Variants in SEC31A observed in about 807,000 individuals in gnomAD.
SEC31A encodes SEC31 homolog A, COPII component.
In SEC31A, 70 loss-of-function variants were observed where a neutral mutation model predicts 151.0. That is an observed-to-expected ratio of 0.46 (90% confidence interval 0.38 to 0.57). The LOEUF is 0.57. Among genes scored for constraint, SEC31A ranks in the 20% least tolerant of loss-of-function variants. SEC31A has a pLI of 0.00. For missense variants in SEC31A, 1,330 were observed against 1,471.2 expected, an observed-to-expected ratio of 0.90 and a Z score of 1.57; for synonymous variants, 475 against 505.9, an observed-to-expected ratio of 0.94 and a Z score of 0.82.
intron 18 of SEC31A, 110 bp from the exon 19 acceptor site, chr4:82,851,714 C>G: frequency 1.1e-6 from 1 of 876,840 alleles, no homozygotes; most frequent in Non-Finnish European, 1.7e-6. Context: ...AAATATAGTA[C>G]CTGTTATCAT....
At chr4:82,824,266 C>T (rs562128913) in intron 25 of SEC31A, among the ~76,000 whole-genome samples, 10 of 152,216 alleles carry the variant, frequency 6.6e-5, no homozygotes, top group South Asian at 2.1e-4. Context: ...TGCAATGGCG[C>T]GATCTCGGCT....
At chr4:82,851,148 T>C (rs979822812) in intron 19 of SEC31A, among the ~76,000 whole-genome samples, 2 of 152,228 alleles carry the variant, frequency 1.3e-5, no homozygotes, top group African/African-American at 2.4e-5. Context: ...AGCATTTGGC[T>C]TTAGAAATAA....
At chr4:82,892,201 T>C (rs540958327), upstream of SEC31A, among the ~76,000 whole-genome samples, 8 of 152,362 alleles carry the variant, frequency 5.3e-5, no homozygotes, top group East Asian at 1.5e-3. Context: ...AGTCTTCTAA[T>C]TACCATTTTC....
intron 1 of SEC31A, among the ~76,000 whole-genome samples, chr4:82,883,023 A>G (rs560266385): frequency 1.1e-4 from 16 of 152,284 alleles, no homozygotes; most frequent in African/African-American, 3.6e-4. Context: ...GGGAGGCTGA[A>G]GCAGAAGAAT....
intron 2 of SEC31A, 71 bp downstream of exon 2, chr4:82,881,787 A>T (rs1035022089): frequency 1.7e-6 from 2 of 1,194,248 alleles, no homozygotes; most frequent in African/African-American, 1.5e-5. Flanking sequence ...GATAAAGCTT[A>T]AACTGAATAA....
At chr4:82,894,315 T>C (rs1719968540), upstream of SEC31A, 1 of 152,242 alleles carries the variant, frequency 6.6e-6, no homozygotes, top group Admixed American at 6.5e-5. Context: ...AAGCCATGTT[T>C]CATCTCCTGT....
chr4:82,898,970 C>G (rs540375733), intron 3 of SEC31A, among the ~76,000 whole-genome samples: 1 of 152,130 alleles, frequency 6.6e-6, no homozygotes, highest in Non-Finnish European at 1.5e-5. Flanking sequence ...CAAATGTCCA[C>G]CAACTGTTGA....
chr4:82,891,051 A>T, intron 1 of SEC31A, 37 bp downstream of exon 1: 1 of 1,535,724 alleles, frequency 6.5e-7, no homozygotes, highest in Admixed American at 2.0e-5. Flanking sequence ...AAGCTTAAGG[A>T]CCGGCGAAGA....
intron 19 of SEC31A, among the ~76,000 whole-genome samples, chr4:82,850,883 T>C (rs1446462753): frequency 1.3e-5 from 2 of 152,188 alleles, no homozygotes; most frequent in Non-Finnish European, 2.9e-5. Flanking sequence ...TTGAAACAAG[T>C]ATAGTTTTGC....
chr4:82,851,543 G>C lies in SEC31A; in HGVS notation c.2216C>G (p.Thr739Ser), dbSNP rs1731450768. 10 of 1,613,808 alleles carry C rather than the reference G, an allele frequency of 6.2e-6. No individual in the cohort carries two copies. Among genetic ancestry groups the C allele is most frequent in the Non-Finnish European group, 8.5e-6 (10 of 1,179,850 alleles). Residue 739 changes from threonine (T) to serine (S), a missense_variant, in exon 19 of 27, where the codon ACT becomes AGT. By Grantham distance (58) the Thr-to-Ser change is moderately conservative. Coordinates refer to ENST00000395310, the MANE Select transcript of SEC31A (RefSeq NM_001077207.4). ...KAVQLTQAMD[T>S]STVGVLLAAK... is the part of the protein sequence containing the mutation. ...AGCCAAGAGAACTCCTACAGTACTA[G>C]TGTCCATGGCTTGAGTGAGTTGCAC...
At chr4:82,862,859 C>T (rs1414217430) in intron 12 of SEC31A, among the ~76,000 whole-genome samples, 3 of 152,182 alleles carry the variant, frequency 2.0e-5, no homozygotes, top group Non-Finnish European at 4.4e-5. Flanking sequence ...AAAAAAGTTA[C>T]AGCCTCAAGA....
At chr4:82,829,944 T>G (rs970910350) in intron 22 of SEC31A, among the ~76,000 whole-genome samples, 1 of 152,226 alleles carries the variant, frequency 6.6e-6, no homozygotes, top group Non-Finnish European at 1.5e-5. Context: ...GTTTTGATAT[T>G]CTCTATAAGG....
chr4:82,867,464 G>C, intron 8 of SEC31A, 148 bp from the exon 9 acceptor site: 1 of 684,908 alleles, frequency 1.5e-6, no homozygotes, highest in Non-Finnish European at 2.4e-6. Flanking sequence ...AGAATACTAA[G>C]ATTTTTTAAA....
chr4:82,855,537 G>C (rs1311926260), intron 16 of SEC31A, among the ~76,000 whole-genome samples: 1 of 152,064 alleles, frequency 6.6e-6, no homozygotes, highest in Non-Finnish European at 1.5e-5. Flanking sequence ...CTCAATACTG[G>C]TACAACTTTT....
At chr4:82,891,546 A>G (rs1719762091), upstream of SEC31A, among the ~76,000 whole-genome samples, 1 of 152,240 alleles carries the variant, frequency 6.6e-6, no homozygotes, top group Non-Finnish European at 1.5e-5. Flanking sequence ...CCCTGGCGAC[A>G]CTGCCCGCGC....
At position 82,857,671 on chromosome 4, in the gene SEC31A, A is replaced by T. The variant is rs1429546860; in HGVS notation, c.1702+18T>A. The T allele has an allele frequency of 6.7e-7, 1 of 1,494,276 alleles. No homozygotes were observed. Among genetic ancestry groups the T allele is most frequent in the Admixed American group, 1.8e-5 (1 of 54,920 alleles). The allele number at this position is 1,494,276 out of a possible 1,614,324, so 92.6% of individuals were successfully genotyped here. On this transcript the variant is annotated intron_variant, in intron 15 of 26. Coordinates refer to ENST00000395310, the MANE Select transcript of SEC31A (RefSeq NM_001077207.4). ...AATGGTTAAAAAAAATTAGAAATCAAAACCAACAAGTACTTACCCCCACTG... is the reference window on the plus strand; with the variant it reads ...AATGGTTAAAAAAAATTAGAAATCATAACCAACAAGTACTTACCCCCACTG...
intron 6 of SEC31A, among the ~76,000 whole-genome samples, chr4:82,874,388 C>A (rs1157456046): frequency 6.6e-6 from 1 of 151,966 alleles, no homozygotes; most frequent in East Asian, 1.9e-4. Flanking sequence ...CCTTGATTAA[C>A]CAATCTCTCT....
chr4:82,878,871 T>C lies in SEC31A; in HGVS notation c.261A>G (p.Gly87=). The C allele has an allele frequency of 6.2e-7, 1 of 1,613,998 alleles. No individual in the cohort carries two copies. Among genetic ancestry groups the C allele is most frequent in the Admixed American group, 1.7e-5 (1 of 60,004 alleles). Residue 87 remains glycine, a synonymous_variant, in exon 4 of 27, where the codon GGA becomes GGG. Transcript: ENST00000395310. ...CATTTTCACCACCTGCAATCAGAAC[T>C]CCAGAGACATCTCCTTTGGAATCCA... ...YKMDSKGDVS[G]VLIAGGENGN...
intron 4 of SEC31A, among the ~76,000 whole-genome samples, chr4:82,876,417 T>A (rs533227987): frequency 9.8e-5 from 15 of 152,320 alleles, no homozygotes; most frequent in African/African-American, 3.6e-4. Context: ...GCTGGATAAA[T>A]TCTTAATCAG....
Sources: allele counts gnomAD v4.1 joint callset (sites outside exome capture counted in the v4.1 genomes callset), GRCh38; gene constraint gnomAD v4.1.1; transcripts MANE v1.5; gene names NCBI Gene and HGNC (gene_info 2026-07-23, HGNC 2026-07-21).